Variants in FHOD3 observed in about 807,000 individuals in gnomAD.
The protein encoded by FHOD3 is FH1/FH2 domain-containing protein 3.
In FHOD3, 90 loss-of-function variants were observed where a neutral mutation model predicts 173.0. That is an observed-to-expected ratio of 0.52 (90% CI 0.44 to 0.62). The LOEUF is 0.62. Among genes scored for constraint, FHOD3 ranks in the 20% least tolerant of loss-of-function variants. FHOD3 has a pLI of 0.00. For synonymous variants in FHOD3, 828 were observed against 823.0 expected (o/e 1.01, Z -0.10); for missense variants, 1,945 against 2,034.7 (o/e 0.96, Z 0.85).
At chr18:36,413,644 T>C (rs2049473337) in intron 3 of FHOD3, among the ~76,000 whole-genome samples, 1 of 152,232 alleles carries the variant, frequency 6.6e-6, no homozygotes, top group African/African-American at 2.4e-5. Flanking sequence ...GCTTCATTCA[T>C]GGCAATGCTA....
chr18:36,654,371 T>G lies in FHOD3; in HGVS notation c.1721+955T>G, dbSNP rs955070244. Among the ~76,000 whole-genome samples, 26 of 152,312 alleles carry G rather than the reference T, an allele frequency of 1.7e-4. 1 individual carries two copies. The highest frequency in any genetic ancestry group is 1.5e-3 in the Admixed American group (23 of 15,300). ...CTATATCTGAAGGAATTTTGAAGTTTCCCTCCAAGTTTTGAGAAGCCTGTC... is the reference window on the plus strand; with the variant it reads ...CTATATCTGAAGGAATTTTGAAGTTGCCCTCCAAGTTTTGAGAAGCCTGTC... On this transcript the variant is annotated intron_variant, in intron 13 of 28. Transcript: ENST00000590592.
chr18:36,572,234 G>A (rs929400053), intron 5 of FHOD3, among the ~76,000 whole-genome samples: 2 of 152,162 alleles, frequency 1.3e-5, no homozygotes, highest in African/African-American at 2.4e-5. Flanking sequence ...CTACCTCTGT[G>A]TTCTGATAGA....
intron 3 of FHOD3, among the ~76,000 whole-genome samples, chr18:36,403,394 A>T (rs1213064373): frequency 6.6e-6 from 1 of 152,144 alleles, no homozygotes; most frequent in Non-Finnish European, 1.5e-5. Context: ...CCTTTAAAGA[A>T]ACGTCTCTGA....
chr18:36,573,100 C>A (rs1385819983), intron 5 of FHOD3, among the ~76,000 whole-genome samples: 3 of 150,522 alleles, frequency 2.0e-5, no homozygotes, highest in Non-Finnish European at 3.0e-5. Context: ...TAAAAAAATT[C>A]TAAAAACAAA....
intron 3 of FHOD3, among the ~76,000 whole-genome samples, chr18:36,387,286 G>T (rs758330034): frequency 2.2e-4 from 33 of 152,106 alleles, no homozygotes; most frequent in Non-Finnish European, 3.5e-4. Flanking sequence ...CAAAAATGGG[G>T]GACTCTCACA....
At chr18:36,763,107 G>A (rs911007506) in intron 27 of FHOD3, among the ~76,000 whole-genome samples, 14 of 145,822 alleles carry the variant, frequency 9.6e-5, no homozygotes, top group Non-Finnish European at 1.9e-4. Flanking sequence ...TATTATACAC[G>A]TTATATATAA....
At chr18:36,702,212 G>A (rs973363633) in intron 17 of FHOD3, among the ~76,000 whole-genome samples, 1 of 152,180 alleles carries the variant, frequency 6.6e-6, no homozygotes, top group Non-Finnish European at 1.5e-5. Context: ...CAGAGGAGAA[G>A]TGGAAGGTTG....
rs559011104 is a variant in FHOD3, at chr18:36,644,631, A to C, written c.1197-4685A>C. 4.5e-4 allele frequency among the ~76,000 whole-genome samples: 68 copies of C among 152,358 alleles called. No individual in the cohort carries two copies. In the South Asian group the frequency reaches 0.011, roughly 25 times the overall value. On this transcript the variant is annotated intron_variant, in intron 10 of 28. Coordinates refer to ENST00000590592, the MANE Select transcript of FHOD3 (RefSeq NM_001281740.3). ...GTGGGATCTGAGGATGTTGAGCCCA[A>C]AGAGAAGACAGCTTGGGATGTAGGT...
chr18:36,694,454 A>G (rs893514382), intron 17 of FHOD3, among the ~76,000 whole-genome samples: 5 of 152,206 alleles, frequency 3.3e-5, no homozygotes, highest in African/African-American at 1.2e-4. Context: ...CCGATCCCTG[A>G]GCCATGGAAG....
At chr18:36,427,122 A>G (rs2050287828) in intron 3 of FHOD3, among the ~76,000 whole-genome samples, 1 of 152,132 alleles carries the variant, frequency 6.6e-6, no homozygotes, top group South Asian at 2.1e-4. Flanking sequence ...TGTACTTAGA[A>G]TAATGGAGAT....
At chr18:36,401,105 G>C (rs192495536) in intron 3 of FHOD3, among the ~76,000 whole-genome samples, 1 of 152,156 alleles carries the variant, frequency 6.6e-6, no homozygotes, top group African/African-American at 2.4e-5. Flanking sequence ...GATGCATGGC[G>C]TGCTGTGGTC....
Position 36,323,144 on chromosome 18 carries a change from G to A in FHOD3, c.165+25144G>A, listed in dbSNP as rs1487979514. ...TTCGACTCAGGAAATGTCTAGCCCA[G>A]GGCTTGGCCCACTCAGAAAGGGGGC... On this transcript the variant is annotated intron_variant, in intron 1 of 28. Coordinates refer to ENST00000590592, the MANE Select transcript of FHOD3 (RefSeq NM_001281740.3). Among the ~76,000 whole-genome samples the A allele has an allele frequency of 2.6e-5, 4 of 152,132 alleles. 1 individual carries two copies. The highest frequency in any genetic ancestry group is 2.0e-4 in the Admixed American group (3 of 15,278).
chr18:36,772,318 C>T (rs1324424920), intron 28 of FHOD3, among the ~76,000 whole-genome samples: 3 of 152,188 alleles, frequency 2.0e-5, no homozygotes, highest in African/African-American at 7.2e-5. Flanking sequence ...TAAACTCCAG[C>T]TTTTCACAGA....
intron 5 of FHOD3, among the ~76,000 whole-genome samples, chr18:36,558,766 T>C (rs74381705): frequency 0.012 from 1,863 of 152,362 alleles, 45 homozygotes; most frequent in African/African-American, 0.042. Context: ...AAAACACTAA[T>C]ACTAAATGTA....
chr18:36,481,597 C>T (rs1184173465), intron 3 of FHOD3, among the ~76,000 whole-genome samples: 1 of 151,996 alleles, frequency 6.6e-6, no homozygotes, highest in East Asian at 1.9e-4. Context: ...GTACCATGGA[C>T]AGATACCACG....
chr18:36,632,103 T>C (rs1157448760), intron 10 of FHOD3, among the ~76,000 whole-genome samples: 1 of 152,212 alleles, frequency 6.6e-6, no homozygotes, highest in Admixed American at 6.5e-5. Flanking sequence ...AGAAGTAGAA[T>C]TTGAGACAAT....
intron 1 of FHOD3, among the ~76,000 whole-genome samples, chr18:36,338,929 G>A (rs1216680098): frequency 6.6e-6 from 1 of 152,132 alleles, no homozygotes; most frequent in African/African-American, 2.4e-5. Flanking sequence ...GGAGAGCCGG[G>A]CACTGGCTAC....
chr18:36,627,528 C>T (rs1163006481), intron 10 of FHOD3, among the ~76,000 whole-genome samples: 1 of 152,180 alleles, frequency 6.6e-6, no homozygotes, highest in Admixed American at 6.5e-5. Context: ...AGATGCCACT[C>T]TGAATGCTGT....
chr18:36,472,345 A>G (rs1206367479), intron 3 of FHOD3, among the ~76,000 whole-genome samples: 1 of 152,208 alleles, frequency 6.6e-6, no homozygotes, highest in African/African-American at 2.4e-5. Context: ...AGAAAAAACC[A>G]ATTTGTCTAA....
Sources: gnomAD v4.1 joint callset for allele counts (sites outside exome capture counted in the v4.1 genomes callset) on GRCh38, gnomAD v4.1.1 for gene constraint, MANE v1.5 for transcripts, NCBI Gene and HGNC (gene_info 2026-07-23, HGNC 2026-07-21) for gene names.